Variants in AMT observed in about 807,000 individuals in gnomAD.
AMT encodes the protein aminomethyltransferase.
AMT carries 24 observed loss-of-function variants against 39.5 expected under a neutral mutation model. The observed-to-expected ratio is 0.61, with a 90% CI of 0.44 to 0.86. The LOEUF (loss-of-function observed/expected upper bound fraction) is 0.86. Among genes scored for constraint, AMT ranks in the 40% least tolerant of loss-of-function variants. The pLI is 0.00. For synonymous variants in AMT, 210 were observed against 212.1 expected (o/e 0.99, Z 0.09); for missense variants, 501 against 537.0 (o/e 0.93, Z 0.66).
intron 7 of AMT, chr3:49,418,353 T>C: frequency 3.2e-6 from 1 of 315,542 alleles, no homozygotes; most frequent in South Asian, 3.0e-5. Context: ...TGGCTAATTT[T>C]TATATTTTCA....
At chr3:49,419,990 T>A in intron 4 of AMT, 1 of 787,970 alleles carries the variant, frequency 1.3e-6, no homozygotes, top group Non-Finnish European at 2.1e-6. Flanking sequence ...TTCTGCCACC[T>A]CACACCAGAG....
chr3:49,418,494 C>CTTTTT (rs3049036), intron 7 of AMT: 19,900 of 64,712 alleles, frequency 0.31, 4,226 homozygotes, highest in East Asian at 0.76. Flanking sequence ...TCTTCAGTTT[C>CTTTTT]TTTTTTTTTT....
chr3:49,420,765 A>T (rs2049087447), intron 3 of AMT: 2 of 240,908 alleles, frequency 8.3e-6, no homozygotes, highest in South Asian at 1.1e-4. Flanking sequence ...GCCCCCAAAA[A>T]ACTTCCTTAG....
At position 49,422,210 on chromosome 3, in the gene AMT, G is replaced by A. The variant is rs34812788; in HGVS notation, c.152C>T (p.Ala51Val). The A allele has an allele frequency of 3.1e-4, 496 of 1,613,894 alleles. 1 individual carries two copies. The highest frequency in any genetic ancestry group is 3.9e-4 in the Non-Finnish European group (465 of 1,180,034). The change falls in exon 2 of 9, where the codon GCG (alanine) becomes GTG (valine). Residue 51 changes from alanine (A) to valine (V), a missense_variant. Transcript: ENST00000273588. ...FHLAHGGKMV[A>V]FAGWSLPVQY... ...CACTGGCAGACTCCAACCCGCAAACGCCACCATTTTCCCGCCGTGGGCCAG... is the reference window on the plus strand; with the variant it reads ...CACTGGCAGACTCCAACCCGCAAACACCACCATTTTCCCGCCGTGGGCCAG...
intron 7 of AMT, chr3:49,418,553 G>T (rs9859556): frequency 0.28 from 46,561 of 167,690 alleles, 6,965 homozygotes; most frequent in Middle Eastern, 0.35. Context: ...CTGGCTGGAG[G>T]TGCAGTGGCG....
At chr3:49,420,992 AG>A (rs2049092054) in intron 3 of AMT, 1 of 247,946 alleles carries the variant, frequency 4.0e-6, no homozygotes, top group African/African-American at 2.2e-5. Flanking sequence ...GCCAGAGTGC[AG>A]TGGTGCAACC....
intron 4 of AMT, 116 bp from the exon 5 acceptor site, chr3:49,419,904 A>T (rs2049070201): frequency 9.6e-7 from 1 of 1,042,242 alleles, no homozygotes; most frequent in African/African-American, 1.6e-5. Flanking sequence ...GGAGGGAGGA[A>T]AAAAAAAGGT....
At chr3:49,422,321 T>TGCCCCCCC in intron 1 of AMT, 40 bp downstream of exon 1, 1 of 1,611,398 alleles carries the variant, frequency 6.2e-7, no homozygotes, top group Non-Finnish European at 8.5e-7. Context: ...CCCAGCCGCT[T>TGCCCCCCC]CCCTCCCCCA....
Position 49,419,141 on chromosome 3 carries a change from G to C in AMT, c.707C>G (p.Pro236Arg). The C allele has an allele frequency of 6.2e-7, 1 of 1,613,502 alleles. No individual in the cohort carries two copies. The highest frequency in any genetic ancestry group is 8.5e-7 in the Non-Finnish European group (1 of 1,179,862). Residue 236 changes from proline to arginine, a missense_variant, in exon 7 of 9, where the codon CCG becomes CGG. Coordinates refer to ENST00000273588, the MANE Select transcript of AMT (RefSeq NM_000481.4). Reference sequence around the variant, plus strand: ...TGCCAGGTGAACTGCCCCCGCTACCGGCACCGAGATCTGTATGAAACACCA... The same window carrying C: ...TGCCAGGTGAACTGCCCCCGCTACCCGCACCGAGATCTGTATGAAACACCA... The part of the protein sequence containing the change: ...TGEDGVEISV[P>R]VAGAVHLATA...
Position 49,417,042 on chromosome 3 carries a change from T to G in AMT, c.*498A>C. The stretch of plus-strand genomic sequence containing the variant: ...TTACACACAGGCATAGCAGCCCTAC[T>G]GTGAGTCAGCAATCATTCCTGACTT... On this transcript the variant is annotated 3_prime_UTR_variant, in exon 9 of 9. Transcript: ENST00000273588. 1.7e-6 allele frequency: 1 copy of G among 585,268 alleles called. No individual in the cohort carries two copies. The highest frequency in any genetic ancestry group is 3.2e-6 in the Non-Finnish European group (1 of 312,060). 36.3% of individuals were successfully genotyped at this position (585,268 alleles called of 1,614,324 possible). A position where few individuals can be genotyped will look rare whatever the true frequency, so the allele number is the denominator to read the frequency against.
intron 2 of AMT, 118 bp from the exon 3 acceptor site, chr3:49,421,690 A>G: frequency 2.2e-6 from 2 of 912,578 alleles, no homozygotes; most frequent in Non-Finnish European, 3.6e-6. Context: ...AAAGTGACTA[A>G]CCAGTCTTTT....
intron 1 of AMT, 27 bp from the exon 2 acceptor site, chr3:49,422,298 C>T (rs2049120117): frequency 6.2e-7 from 1 of 1,613,774 alleles, no homozygotes; most frequent in Non-Finnish European, 8.5e-7. Context: ...TTAGTGCCAC[C>T]AGGGCCCTAG....
Position 49,419,743 on chromosome 3 carries a change from C to G in AMT, c.517G>C (p.Glu173Gln), listed in dbSNP as rs763512020. The G allele has an allele frequency of 3.1e-6, 5 of 1,614,172 alleles. No individual in the cohort carries two copies. The South Asian group carries it at 5.5e-5, about 18-fold the overall frequency. ...LQNQGRDVGLEVLDNALLALQ... is the reference protein window; with the variant it reads ...LQNQGRDVGLQVLDNALLALQ... ...GCTAGCAGGGCATTATCCAACACCT[C>G]CAGGCCCACATCTCTGCCCTGGTTC... Residue 173 changes from glutamate (E) to glutamine (Q), a missense_variant, in exon 5 of 9, where the codon GAG becomes CAG. By Grantham distance (29) the Glu-to-Gln change is conservative (BLOSUM62 2). Transcript: ENST00000273588.
Position 49,421,550 on chromosome 3 carries a change from C to G in AMT, c.281G>C (p.Arg94Pro), listed in dbSNP as rs368129012. ...MLQTKILGSD[R>P]VKLMESLVVG... The stretch of plus-strand genomic sequence containing the variant: ...CACTAGACTCTCCATCAGCTTCACC[C>G]GGTCACTACCAAGTATCTTGGTCTG... Residue 94 changes from arginine to proline, a missense_variant, in exon 3 of 9, where the codon CGG becomes CCG. Arg to Pro is a moderately radical substitution (Grantham distance 103, BLOSUM62 -2). Transcript: ENST00000273588. The G allele has an allele frequency of 6.2e-7, 1 of 1,614,184 alleles. No individual in the cohort carries two copies. The highest frequency in any genetic ancestry group is 8.5e-7 in the Non-Finnish European group (1 of 1,180,006).
rs767969842 is a variant in AMT, at chr3:49,417,648, C to T, written c.1104G>A (p.Glu368=). 2.5e-6 allele frequency: 4 copies of T among 1,614,052 alleles called. No homozygotes were observed. The highest frequency in any genetic ancestry group is 2.2e-5 in the South Asian group (2 of 91,094). The change falls in exon 9 of 9, where the codon GAG becomes GAA. Residue 368 remains glutamate (E), a synonymous_variant. Transcript: ENST00000273588. The part of the protein sequence containing the change: ...KNVAMGYVPC[E]YSRPGTMLLV... ...GCAGCATTGTCCCTGGACGACTGTACTCGCAGGGCACATAACCCATCGCCA... is the reference window on the plus strand; with the variant it reads ...GCAGCATTGTCCCTGGACGACTGTATTCGCAGGGCACATAACCCATCGCCA...
At chr3:49,418,668 ATT>A in intron 7 of AMT, 1 of 312,324 alleles carries the variant, frequency 3.2e-6, no homozygotes, top group Non-Finnish European at 6.2e-6. Flanking sequence ...TGCCCAGCTA[ATT>A]TTTTTTTTGT....
intron 5 of AMT, 42 bp downstream of exon 5, chr3:49,419,667 AG>A: frequency 6.3e-7 from 1 of 1,592,288 alleles, no homozygotes; most frequent in South Asian, 1.1e-5. Flanking sequence ...CAATGAAGCC[AG>A]GAAGGCAAAG....
intron 3 of AMT, 84 bp from the exon 4 acceptor site, chr3:49,420,426 A>C: frequency 6.2e-7 from 1 of 1,602,286 alleles, no homozygotes; most frequent in South Asian, 1.1e-5. Context: ...GGACCCACTT[A>C]GTTACCAAAA....
Position 49,422,238 on chromosome 3 carries a change from G to A in AMT, c.124C>T (p.His42Tyr). The change falls in exon 2 of 9, where the codon CAC becomes TAC. Residue 42 changes from histidine (H) to tyrosine (Y), a missense_variant. Transcript: ENST00000273588. ...ACCATTTTCCCGCCGTGGGCCAGGT[G>A]GAAGTCATAGAGCGGTGTCCTGCGG... ...VLRRTPLYDF[H>Y]LAHGGKMVAF... 6.2e-7 allele frequency: 1 copy of A among 1,614,148 alleles called. No individual in the cohort carries two copies. Among genetic ancestry groups the A allele is most frequent in the Non-Finnish European group, 8.5e-7 (1 of 1,180,026 alleles).
Sources: allele counts gnomAD v4.1 joint callset, GRCh38; gene constraint gnomAD v4.1.1; transcripts MANE v1.5; gene names NCBI Gene and HGNC (gene_info 2026-07-23, HGNC 2026-07-21).